The following HS6ST3 variants were observed in gnomAD, a reference collection of about 807,000 sequenced individuals.
The protein encoded by HS6ST3 is heparan-sulfate 6-O-sulfotransferase 3.
Under a neutral mutation model 36.7 loss-of-function variants are expected in HS6ST3, and 12 were observed. The observed-to-expected ratio is 0.33, with a 90% CI of 0.21 to 0.53. The LOEUF is 0.53. Among genes scored for constraint, HS6ST3 ranks in the 20% least tolerant of loss-of-function variants. The pLI, the probability that HS6ST3 is intolerant of heterozygous loss-of-function variation, is 0.95. For missense variants in HS6ST3, 584 were observed against 640.9 expected (o/e 0.91, Z 0.96); for synonymous variants, 240 against 257.5 (o/e 0.93, Z 0.65).
At chr13:96,595,930 G>T (rs2056399872) in intron 1 of HS6ST3, among the ~76,000 whole-genome samples, 1 of 148,384 alleles carries the variant, frequency 6.7e-6, no homozygotes, top group Non-Finnish European at 1.5e-5. Context: ...TTGTTTCCCT[G>T]TTTTGAATTA....
At chr13:96,361,598 G>T (rs1168725061) in intron 1 of HS6ST3, among the ~76,000 whole-genome samples, 1 of 152,100 alleles carries the variant, frequency 6.6e-6, no homozygotes, top group African/African-American at 2.4e-5. Context: ...AACAGAGAGC[G>T]GGCTGCTTGC....
At chr13:96,176,348 G>C (rs1405037854) in intron 1 of HS6ST3, among the ~76,000 whole-genome samples, 1 of 152,056 alleles carries the variant, frequency 6.6e-6, no homozygotes, top group Non-Finnish European at 1.5e-5. Context: ...TTTGATGAGA[G>C]GAAGTTTATA....
At chr13:96,148,656 A>G (rs1000295216) in intron 1 of HS6ST3, among the ~76,000 whole-genome samples, 4 of 152,232 alleles carry the variant, frequency 2.6e-5, no homozygotes, top group Non-Finnish European at 4.4e-5. Flanking sequence ...TAAATATAAG[A>G]AAATGACCTG....
Position 96,730,128 on chromosome 13 carries a change from CA to C in HS6ST3, c.708-102360del, listed in dbSNP as rs1876111133. 7.9e-5 allele frequency among the ~76,000 whole-genome samples: 12 copies of C among 152,324 alleles called. No homozygotes were observed. The South Asian group carries it at 2.5e-3, about 32-fold the overall frequency. On this transcript the variant is annotated intron_variant, in intron 1 of 1. Coordinates refer to ENST00000376705, the MANE Select transcript of HS6ST3 (RefSeq NM_153456.4). ...TCTCTGTTTTCACTGGTGAGCTTGA[CA>C]ATTCCCCATTTAGTGTCATTTGGAA...
intron 1 of HS6ST3, among the ~76,000 whole-genome samples, chr13:96,418,100 C>T (rs2055543840): frequency 6.6e-6 from 1 of 152,112 alleles, no homozygotes; most frequent in South Asian, 2.1e-4. Flanking sequence ...GACTACCGGG[C>T]ACCCTGTCAG....
intron 1 of HS6ST3, among the ~76,000 whole-genome samples, chr13:96,370,068 C>A (rs977145198): frequency 6.6e-5 from 10 of 152,006 alleles, no homozygotes; most frequent in Admixed American, 6.6e-5. Context: ...GTAACCCTGG[C>A]TGCATATTAG....
At chr13:96,386,903 T>G (rs984323702) in intron 1 of HS6ST3, among the ~76,000 whole-genome samples, 5 of 152,154 alleles carry the variant, frequency 3.3e-5, no homozygotes, top group Non-Finnish European at 7.4e-5. Flanking sequence ...ATAGTCACCA[T>G]GCTGTATATT....
chr13:96,450,081 C>T (rs8001127), intron 1 of HS6ST3, among the ~76,000 whole-genome samples: 78,575 of 152,036 alleles, frequency 0.52, 20,646 homozygotes, highest in South Asian at 0.6. Flanking sequence ...GTTCCAAAGA[C>T]CCAACTAGTT....
At chr13:96,516,721 A>G (rs966511149) in intron 1 of HS6ST3, among the ~76,000 whole-genome samples, 2 of 152,146 alleles carry the variant, frequency 1.3e-5, no homozygotes, top group East Asian at 3.9e-4. Flanking sequence ...CATTTACCCT[A>G]GTCTTGGTGG....
intron 1 of HS6ST3, among the ~76,000 whole-genome samples, chr13:96,101,147 T>G (rs545560321): frequency 9.2e-5 from 14 of 152,220 alleles, no homozygotes; most frequent in Non-Finnish European, 1.8e-4. Flanking sequence ...ATCTATATTA[T>G]GATGCACAGT....
At chr13:96,210,719 G>A (rs536498496) in intron 1 of HS6ST3, among the ~76,000 whole-genome samples, 19 of 150,640 alleles carry the variant, frequency 1.3e-4, no homozygotes, top group African/African-American at 2.7e-4. Flanking sequence ...TCAGCCTTTC[G>A]AGTAGGTGGG....
chr13:96,107,948 G>A (rs1003298786), intron 1 of HS6ST3, among the ~76,000 whole-genome samples: 19 of 152,136 alleles, frequency 1.2e-4, no homozygotes, highest in Middle Eastern at 3.4e-3. Flanking sequence ...CAAATTGTTC[G>A]TAAAGCATGT....
intron 1 of HS6ST3, among the ~76,000 whole-genome samples, chr13:96,786,568 C>G (rs1447636729): frequency 2.0e-5 from 3 of 152,070 alleles, no homozygotes; most frequent in African/African-American, 7.2e-5. Context: ...TGTATTTCTT[C>G]CACTAAATTA....
At chr13:96,411,593 C>T (rs776494586) in intron 1 of HS6ST3, among the ~76,000 whole-genome samples, 4 of 152,010 alleles carry the variant, frequency 2.6e-5, no homozygotes, top group Non-Finnish European at 5.9e-5. Context: ...ACATGGAAAC[C>T]AAAATAGGCT....
At chr13:96,120,344 A>G (rs941057911) in intron 1 of HS6ST3, among the ~76,000 whole-genome samples, 22 of 152,260 alleles carry the variant, frequency 1.4e-4, no homozygotes, top group African/African-American at 5.1e-4. Context: ...ATCCTAGGAC[A>G]CTAATAAAGG....
chr13:96,157,167 A>G (rs531580656), intron 1 of HS6ST3, among the ~76,000 whole-genome samples: 2 of 152,268 alleles, frequency 1.3e-5, no homozygotes, highest in African/African-American at 4.8e-5. Context: ...TTCTTATTAC[A>G]TTAGTATTTG....
At chr13:96,130,276 G>A (rs932012587) in intron 1 of HS6ST3, among the ~76,000 whole-genome samples, 2 of 152,180 alleles carry the variant, frequency 1.3e-5, no homozygotes, top group East Asian at 1.9e-4. Context: ...GGGCATGCGT[G>A]TGGTGCTGGG....
At chr13:96,497,084 AG>A (rs57330904) in intron 1 of HS6ST3, among the ~76,000 whole-genome samples, 3,409 of 152,216 alleles carry the variant, frequency 0.022, 130 homozygotes, top group African/African-American at 0.077. Context: ...GACAGGTGAC[AG>A]GGTGGCAAGG....
chr13:96,643,086 A>G (rs1566418914), intron 1 of HS6ST3, among the ~76,000 whole-genome samples: 2 of 152,072 alleles, frequency 1.3e-5, no homozygotes, highest in East Asian at 1.9e-4. Context: ...TTGCTTAGTG[A>G]CTTTTCTGAG....
Sources: gnomAD v4.1 joint callset for allele counts (sites outside exome capture counted in the v4.1 genomes callset) on GRCh38, gnomAD v4.1.1 for gene constraint, MANE v1.5 for transcripts, NCBI Gene and HGNC (gene_info 2026-07-23, HGNC 2026-07-21) for gene names.